Variants in ACAD11 observed in about 807,000 individuals in gnomAD.
ACAD11 encodes the protein acyl-Coenzyme A dehydrogenase family, member 11.
A neutral mutation model predicts 102.2 loss-of-function variants in ACAD11; 83 were observed. The observed-to-expected ratio is 0.81, with a 90% CI of 0.68 to 0.97. ACAD11 has a LOEUF of 0.97. ACAD11 is among the 50% of genes least tolerant of loss of function. ACAD11 has a pLI of 0.00. For missense variants in ACAD11, 901 were observed against 951.7 expected, an observed-to-expected ratio of 0.95 and a Z score of 0.70; for synonymous variants, 324 against 319.8, an observed-to-expected ratio of 1.01 and a Z score of -0.14.
intron 7 of ACAD11, among the ~76,000 whole-genome samples, chr3:132,629,561 A>C (rs984562960): frequency 2.0e-5 from 3 of 152,228 alleles, no homozygotes; most frequent in Admixed American, 6.5e-5. Context: ...TATTTGTGGA[A>C]ACTGTCAAAC....
chr3:132,613,686 G>A (rs1238573336), intron 11 of ACAD11, among the ~76,000 whole-genome samples: 15 of 152,028 alleles, frequency 9.9e-5, no homozygotes. Context: ...ATCACCTGAG[G>A]TCAGGAGCTT....
chr3:132,641,984 G>T lies in ACAD11; in HGVS notation c.525C>A (p.Tyr175Ter), dbSNP rs1252639001. Reference sequence around the variant, plus strand: ...GTGGATGCATTACCTGTCTTTTGCAGTACCCAGCACCTATACCATATCCTT... The same window carrying T: ...GTGGATGCATTACCTGTCTTTTGCATTACCCAGCACCTATACCATATCCTT... ...QLEGYGIGAGYCKRQVSTWTK... is the reference protein window; with the variant it reads ...QLEGYGIGAG The change falls in exon 4 of 20, where the codon TAC becomes TAA. Residue 175 changes from tyrosine to a stop codon, truncating the protein, a stop_gained. Coordinates refer to ENST00000264990, the MANE Select transcript of ACAD11 (RefSeq NM_032169.5). LOFTEE classifies it high-confidence loss of function. 6.2e-7 allele frequency: 1 copy of T among 1,603,922 alleles called. No homozygotes were observed. Among genetic ancestry groups the T allele is most frequent in the South Asian group, 1.1e-5 (1 of 89,430 alleles).
At chr3:132,590,077 A>T (rs1393723413) in intron 13 of ACAD11, among the ~76,000 whole-genome samples, 2 of 152,212 alleles carry the variant, frequency 1.3e-5, no homozygotes, top group African/African-American at 4.8e-5. Context: ...CATGGTGTAT[A>T]TGTACCACAT....
rs772417401 is a variant in ACAD11, at chr3:132,575,942, A to C, written c.1847-16T>G. 6.2e-7 allele frequency: 1 copy of C among 1,607,246 alleles called. No individual in the cohort carries two copies. The highest frequency in any genetic ancestry group is 1.7e-4 in the Middle Eastern group (1 of 6,038). ...CTACCTTCACCTGGGAAGAAAGGGG[A>C]AAAAAAGGGGGAATGTGAAAATGGC... On this transcript the variant is annotated splice_polypyrimidine_tract_variant and intron_variant, in intron 16 of 19. Coordinates refer to ENST00000264990, the MANE Select transcript of ACAD11 (RefSeq NM_032169.5).
At chr3:132,594,460 A>G (rs1276460726) in intron 13 of ACAD11, among the ~76,000 whole-genome samples, 3 of 152,210 alleles carry the variant, frequency 2.0e-5, no homozygotes, top group Non-Finnish European at 4.4e-5. Flanking sequence ...TCTGTGGAGG[A>G]TAAGTTACTT....
chr3:132,637,480 A>T (rs1252974611), intron 5 of ACAD11, among the ~76,000 whole-genome samples: 1 of 152,160 alleles, frequency 6.6e-6, no homozygotes, highest in African/African-American at 2.4e-5. Context: ...AACAGAAGGT[A>T]AAGAGGGTGA....
intron 17 of ACAD11, among the ~76,000 whole-genome samples, chr3:132,563,831 A>G (rs1167856135): frequency 6.6e-6 from 1 of 152,164 alleles, no homozygotes; most frequent in African/African-American, 2.4e-5. Flanking sequence ...TGGAATAGTG[A>G]GGGTGAACAT....
chr3:132,631,004 A>G (rs1468781193), intron 6 of ACAD11, among the ~76,000 whole-genome samples: 1 of 152,106 alleles, frequency 6.6e-6, no homozygotes, highest in East Asian at 1.9e-4. Flanking sequence ...CCAGGAGTTC[A>G]AGGTTTCAGT....
intron 13 of ACAD11, among the ~76,000 whole-genome samples, chr3:132,587,761 G>A (rs1559942489): frequency 6.6e-6 from 1 of 152,138 alleles, no homozygotes; most frequent in South Asian, 2.1e-4. Flanking sequence ...ATTAACTTAG[G>A]TAGAGTAAAA....
At chr3:132,649,489 C>T (rs527802300) in intron 1 of ACAD11, among the ~76,000 whole-genome samples, 2 of 152,326 alleles carry the variant, frequency 1.3e-5, no homozygotes, top group South Asian at 4.1e-4. Context: ...AGGCATAGTA[C>T]CTTCCCTTGA....
intron 4 of ACAD11, among the ~76,000 whole-genome samples, chr3:132,640,463 A>T (rs2107882286): frequency 6.6e-6 from 1 of 152,348 alleles, no homozygotes; most frequent in South Asian, 2.1e-4. Flanking sequence ...TAGTGTAAAG[A>T]TCTTCTATTG....
At chr3:132,597,438 T>C (rs1194649289) in intron 13 of ACAD11, 1 of 148,450 alleles carries the variant, frequency 6.7e-6, no homozygotes, top group Non-Finnish European at 1.5e-5. Context: ...AATGCTTACT[T>C]GTAAAAAAAA....
intron 11 of ACAD11, among the ~76,000 whole-genome samples, chr3:132,613,307 C>T (rs550094543): frequency 7.2e-5 from 11 of 151,954 alleles, no homozygotes; most frequent in Admixed American, 2.6e-4. Context: ...AGCACACCAA[C>T]ATGGCACATG....
chr3:132,578,957 T>C (rs759525252), intron 14 of ACAD11, 76 bp from the exon 15 acceptor site: 29 of 1,590,120 alleles, frequency 1.8e-5, no homozygotes, highest in Middle Eastern at 1.7e-4. Context: ...AGAATCACAA[T>C]TGTCTTTTTG....
intron 12 of ACAD11, among the ~76,000 whole-genome samples, chr3:132,603,677 T>C (rs376758722): frequency 2.6e-5 from 4 of 152,226 alleles, no homozygotes; most frequent in African/African-American, 9.6e-5. Flanking sequence ...GTACTAAATA[T>C]TGATTGGCAA....
At chr3:132,610,448 A>G (rs1939085238) in intron 11 of ACAD11, among the ~76,000 whole-genome samples, 1 of 152,174 alleles carries the variant, frequency 6.6e-6, no homozygotes, top group African/African-American at 2.4e-5. Flanking sequence ...GTTTTTTGAA[A>G]AGATCAACAA....
chr3:132,634,777 C>T lies in ACAD11; in HGVS notation c.703-3298G>A, dbSNP rs1415753701. The stretch of plus-strand genomic sequence containing the variant: ...GCAGGGACATGGATGAAGCTGGAAA[C>T]CATCATTTTCAGCAAACTATCGCAA... On this transcript the variant is annotated intron_variant, in intron 5 of 19. Coordinates refer to ENST00000264990, the MANE Select transcript of ACAD11 (RefSeq NM_032169.5). 4.0e-5 allele frequency among the ~76,000 whole-genome samples: 6 copies of T among 151,820 alleles called. No homozygotes were observed. In the South Asian group the frequency reaches 1.0e-3, roughly 26 times the overall value.
intron 1 of ACAD11, chr3:132,646,368 G>A (rs1485647854): frequency 6.6e-6 from 1 of 151,726 alleles, no homozygotes; most frequent in African/African-American, 2.4e-5. Context: ...CAAAGTGCTG[G>A]GATTACAGGC....
At chr3:132,614,931 C>G (rs140496418) in intron 11 of ACAD11, among the ~76,000 whole-genome samples, 9,594 of 152,236 alleles carry the variant, frequency 0.063, 971 homozygotes, top group African/African-American at 0.22. Flanking sequence ...ATCCATCTGA[C>G]AAAGGGCTAA....
Sources: gnomAD v4.1 joint callset for allele counts (sites outside exome capture counted in the v4.1 genomes callset) on GRCh38, gnomAD v4.1.1 for gene constraint, MANE v1.5 for transcripts, NCBI Gene and HGNC (gene_info 2026-07-23, HGNC 2026-07-21) for gene names.